The following KCNIP4 variants were observed in gnomAD, a reference collection of about 807,000 sequenced individuals.
The protein encoded by KCNIP4 is potassium voltage-gated channel interacting protein 4, also known as Kv channel-interacting protein 4.
In KCNIP4, 12 loss-of-function variants were observed where a neutral mutation model predicts 34.0. The observed-to-expected ratio is 0.35, with a 90% CI of 0.23 to 0.57. KCNIP4 has a LOEUF of 0.57. KCNIP4 is among the 20% of genes least tolerant of loss of function. The probability of loss-of-function intolerance (pLI) is 0.83; values close to 1 mark genes in which losing one functional copy is unlikely to be tolerated. For synonymous variants in KCNIP4, 124 were observed against 102.2 expected (o/e 1.21, Z -1.29); for missense variants, 238 against 311.7 (o/e 0.76, Z 1.78).
chr4:21,669,965 G>A (rs543474235), intron 1 of KCNIP4, among the ~76,000 whole-genome samples: 17 of 152,108 alleles, frequency 1.1e-4, no homozygotes, highest in African/African-American at 2.9e-4. Flanking sequence ...CTTGGGAGAC[G>A]GAAAGATTTT....
chr4:21,662,316 T>C (rs1748512838), intron 1 of KCNIP4, among the ~76,000 whole-genome samples: 1 of 152,224 alleles, frequency 6.6e-6, no homozygotes, highest in Non-Finnish European at 1.5e-5. Context: ...GTATTTTTAT[T>C]TTTGTCCATA....
At chr4:20,790,799 A>C (rs1049683169) in intron 3 of KCNIP4, among the ~76,000 whole-genome samples, 2 of 152,192 alleles carry the variant, frequency 1.3e-5, no homozygotes, top group Admixed American at 6.6e-5. Context: ...GAGAATAGAC[A>C]ACATGTCAAA....
intron 1 of KCNIP4, among the ~76,000 whole-genome samples, chr4:21,660,533 G>T (rs1262239755): frequency 6.6e-6 from 1 of 152,140 alleles, no homozygotes; most frequent in Non-Finnish European, 1.5e-5. Flanking sequence ...ACAGATGACA[G>T]TTGGAAAAGA....
At chr4:21,030,413 A>G (rs1740915419) in intron 1 of KCNIP4, among the ~76,000 whole-genome samples, 1 of 152,184 alleles carries the variant, frequency 6.6e-6, no homozygotes, top group Non-Finnish European at 1.5e-5. Context: ...TTATTTCATT[A>G]TATATTACTA....
chr4:20,836,689 A>G (rs576026722), intron 3 of KCNIP4, among the ~76,000 whole-genome samples: 26 of 152,270 alleles, frequency 1.7e-4, no homozygotes, highest in Admixed American at 3.9e-4. Context: ...AATCTGATCT[A>G]CTTAAAGTCA....
chr4:21,576,081 G>A (rs1740724047), intron 1 of KCNIP4, among the ~76,000 whole-genome samples: 1 of 152,170 alleles, frequency 6.6e-6, no homozygotes, highest in Non-Finnish European at 1.5e-5. Context: ...GTTGCTCACA[G>A]GAGTTGGCCT....
At chr4:20,812,416 G>A (rs1406514538) in intron 3 of KCNIP4, among the ~76,000 whole-genome samples, 1 of 152,086 alleles carries the variant, frequency 6.6e-6, no homozygotes, top group Non-Finnish European at 1.5e-5. Flanking sequence ...AGACTGGGAG[G>A]AAGCAGCAGG....
intron 1 of KCNIP4, among the ~76,000 whole-genome samples, chr4:21,771,656 T>C (rs926980883): frequency 6.6e-6 from 1 of 151,974 alleles, no homozygotes; most frequent in Non-Finnish European, 1.5e-5. Context: ...CCTCGTTAGC[T>C]GTACTCCTAG....
At chr4:21,610,190 T>C (rs1744037079) in intron 1 of KCNIP4, among the ~76,000 whole-genome samples, 2 of 152,262 alleles carry the variant, frequency 1.3e-5, no homozygotes, top group African/African-American at 4.8e-5. Flanking sequence ...ACAGAGTGAA[T>C]GGATAAACCA....
At chr4:21,799,783 C>T (rs1720874012) in intron 1 of KCNIP4, among the ~76,000 whole-genome samples, 1 of 152,124 alleles carries the variant, frequency 6.6e-6, no homozygotes, top group Admixed American at 6.5e-5. Context: ...CCTCCTTCTC[C>T]CTAGAACAGG....
chr4:21,833,400 T>C (rs1377984396), intron 1 of KCNIP4, among the ~76,000 whole-genome samples: 4 of 152,180 alleles, frequency 2.6e-5, no homozygotes, highest in African/African-American at 9.6e-5. Flanking sequence ...TTTTGAGAAG[T>C]GTCTGTTCAT....
intron 1 of KCNIP4, among the ~76,000 whole-genome samples, chr4:21,058,092 A>T (rs532926985): frequency 2.0e-4 from 31 of 152,304 alleles, no homozygotes; most frequent in African/African-American, 7.2e-4. Context: ...TTAGGGCAGA[A>T]TTCAATGACT....
chr4:21,555,473 A>C (rs1738934776), intron 1 of KCNIP4, among the ~76,000 whole-genome samples: 1 of 152,176 alleles, frequency 6.6e-6, no homozygotes, highest in African/African-American at 2.4e-5. Flanking sequence ...TAAAGTTTTT[A>C]GAAATATTGA....
At chr4:20,822,373 C>T (rs946632857) in intron 3 of KCNIP4, among the ~76,000 whole-genome samples, 5 of 152,114 alleles carry the variant, frequency 3.3e-5, no homozygotes, top group Admixed American at 1.3e-4. Flanking sequence ...CAATGAGATA[C>T]CACCTTACTC....
chr4:21,196,211 C>A (rs1211589718), intron 1 of KCNIP4, among the ~76,000 whole-genome samples: 1 of 152,166 alleles, frequency 6.6e-6, no homozygotes, highest in Non-Finnish European at 1.5e-5. Context: ...TTCAATGTTT[C>A]CTTCCTGGGA....
intron 1 of KCNIP4, among the ~76,000 whole-genome samples, chr4:21,606,861 A>G (rs1043172507): frequency 1.6e-4 from 24 of 152,170 alleles, no homozygotes; most frequent in African/African-American, 5.1e-4. Flanking sequence ...TGGCTTGTGC[A>G]TGCCTTCCAT....
At chr4:21,317,228 T>G (rs1267772573) in intron 1 of KCNIP4, among the ~76,000 whole-genome samples, 3 of 152,174 alleles carry the variant, frequency 2.0e-5, no homozygotes, top group Non-Finnish European at 4.4e-5. Flanking sequence ...TTAACTTACA[T>G]GCCAACTATC....
chr4:21,154,476 AC>A (rs370958829), intron 1 of KCNIP4, among the ~76,000 whole-genome samples: 3,104 of 152,234 alleles, frequency 0.02, 98 homozygotes, highest in African/African-American at 0.071. Flanking sequence ...TCATTGCACA[AC>A]CCCTGTGTCA....
rs993946013 is a variant in KCNIP4 at position 20,729,760 on chromosome 4, A to G, written c.*322T>C. The G allele has an allele frequency of 1.3e-5, 3 of 227,128 alleles. No individual in the cohort carries two copies. The highest frequency in any genetic ancestry group is 1.7e-5 in the Non-Finnish European group (2 of 117,414). 14.1% of individuals were successfully genotyped at this position (227,128 alleles called of 1,614,324 possible). A position where few individuals can be genotyped will look rare whatever the true frequency, so the allele number is the denominator to read the frequency against. ...GTAGCAAAAAACACTGATATTTTAA[A>G]ATCACTGATATGTGAAAGCCTCAAT... On this transcript the variant is annotated 3_prime_UTR_variant, in exon 9 of 9. Transcript: ENST00000382152.
Sources: gnomAD v4.1 joint callset for allele counts (sites outside exome capture counted in the v4.1 genomes callset) on GRCh38, gnomAD v4.1.1 for gene constraint, MANE v1.5 for transcripts, NCBI Gene and HGNC (gene_info 2026-07-23, HGNC 2026-07-21) for gene names.